The following LEMD2 variants were observed in gnomAD, a reference collection of about 807,000 sequenced individuals.
The protein encoded by LEMD2 is LEM domain-containing protein 2.
In LEMD2, 34 loss-of-function variants were observed where a neutral mutation model predicts 58.8. The observed-to-expected ratio is 0.58, with a 90% CI of 0.44 to 0.77. The LOEUF is 0.77. LEMD2 is among the 30% of genes least tolerant of loss of function. The probability of loss-of-function intolerance (pLI) is 0.00; values close to 1 mark genes in which losing one functional copy is unlikely to be tolerated. For synonymous variants in LEMD2, 298 were observed against 308.9 expected, an observed-to-expected ratio of 0.96 and a Z score of 0.37; for missense variants, 629 against 717.9, an observed-to-expected ratio of 0.88 and a Z score of 1.42.
At position 33,772,794 on chromosome 6, in the gene LEMD2, C is replaced by T. The variant is rs1235215478; in HGVS notation, c.1362-16G>A. On this transcript the variant is annotated splice_polypyrimidine_tract_variant and intron_variant, in intron 8 of 8. Transcript: ENST00000293760. ...CATGCGCCTCCTGCAATGAGAGGGA[C>T]GGGGCTCTGCCTGGCACTGCCGAGG... is the stretch of plus-strand genomic sequence containing the variant. The T allele has an allele frequency of 1.2e-5, 20 of 1,610,050 alleles. No homozygotes were observed. Among genetic ancestry groups the T allele is most frequent in the East Asian group, 4.5e-5 (2 of 44,840 alleles).
rs955625549 is a variant in LEMD2, at chr6:33,789,022, C to T, written c.95G>A (p.Arg32His). ...PITDTTRDVY[R>H]NKLRRLRGEA... ...GCCCCGCAGGCGGCGCAGCTTGTTG[C>T]GGTAGACATCCCGGGTGGTGTCGGT... is the stretch of plus-strand genomic sequence containing the variant. The change falls in exon 1 of 9, where the codon CGC (arginine) becomes CAC (histidine). Residue 32 changes from arginine (R) to histidine (H), a missense_variant. Physicochemically the swap from Arg to His is conservative, Grantham distance 29. This residue lies in a region of LEMD2 where 386 missense variants were observed against 381.1 expected (regional missense o/e 1.01). Coordinates refer to ENST00000293760, the MANE Select transcript of LEMD2 (RefSeq NM_181336.4). The T allele has an allele frequency of 1.2e-5, 18 of 1,556,884 alleles. No homozygotes were observed. Among genetic ancestry groups the T allele is most frequent in the Non-Finnish European group, 1.6e-5 (18 of 1,158,268 alleles).
In LEMD2 at chr6:33,772,441, G is replaced by A; in HGVS notation, c.*187C>T. The A allele has an allele frequency of 1.8e-6, 1 of 547,934 alleles. No homozygotes were observed. The highest frequency in any genetic ancestry group is 3.5e-5 in the Admixed American group (1 of 28,300). 33.9% of individuals were successfully genotyped at this position (547,934 alleles called of 1,614,324 possible). On this transcript the variant is annotated 3_prime_UTR_variant, in exon 9 of 9. Coordinates refer to ENST00000293760, the MANE Select transcript of LEMD2 (RefSeq NM_181336.4). The stretch of plus-strand genomic sequence containing the variant: ...CCTGGCTTCTCCCCCTCCCTTTAAA[G>A]GAAGCCCACATTTTCCTGCGAGCCG...
At chr6:33,785,294 T>C (rs1046589056) in intron 2 of LEMD2, among the ~76,000 whole-genome samples, 1 of 152,148 alleles carries the variant, frequency 6.6e-6, no homozygotes, top group Non-Finnish European at 1.5e-5. Flanking sequence ...GGGTGCCCCA[T>C]GAAATCTTAG....
intron 3 of LEMD2, among the ~76,000 whole-genome samples, chr6:33,782,739 C>T (rs1561926182): frequency 6.6e-6 from 1 of 152,236 alleles, no homozygotes; most frequent in African/African-American, 2.4e-5. Context: ...CGGGGTTGGG[C>T]CCTGCAGGCA....
chr6:33,772,586 G>A lies in LEMD2; in HGVS notation c.*42C>T. 1.3e-6 allele frequency: 2 copies of A among 1,593,748 alleles called. No homozygotes were observed. Among genetic ancestry groups the A allele is most frequent in the Non-Finnish European group, 1.7e-6 (2 of 1,168,530 alleles). On this transcript the variant is annotated 3_prime_UTR_variant, in exon 9 of 9. Transcript: ENST00000293760. ...CCCTCCTGTGCCTCTGGAGTGGGCT[G>A]TCCTGGGACAGGCTGACCGGGAACA...
chr6:33,776,275 G>C (rs558031214), intron 8 of LEMD2, among the ~76,000 whole-genome samples: 73 of 152,366 alleles, frequency 4.8e-4, no homozygotes, highest in African/African-American at 1.7e-3. Flanking sequence ...GCAGGTCATG[G>C]TTTAAAAAGT....
chr6:33,773,594 CGGGGG>C (rs10660361), intron 8 of LEMD2, among the ~76,000 whole-genome samples: 1 of 139,418 alleles, frequency 7.2e-6, no homozygotes, highest in Admixed American at 7.1e-5. Flanking sequence ...AGTCAGGAGG[CGGGGG>C]GGGGGCTAGG....
At chr6:33,775,994 TGCTG>T (rs1767421908) in intron 8 of LEMD2, among the ~76,000 whole-genome samples, 1 of 152,154 alleles carries the variant, frequency 6.6e-6, no homozygotes, top group Admixed American at 6.5e-5. Context: ...GGGGGGGCCC[TGCTG>T]GCTGTCTCCT....
In LEMD2 at chr6:33,778,526, G is replaced by T; in HGVS notation, c.1011-139C>A. On this transcript the variant is annotated intron_variant, in intron 5 of 8. Transcript: ENST00000293760. This position sits in a 1 kb window ranked among gnomAD's most constrained non-coding sequence, Gnocchi z 4.7. ...GCTTATAGAATAGGCTTGGTATCCT[G>T]GCTGCATTCTTTCCAGAAATTTCCC... The T allele has an allele frequency of 1.7e-6, 1 of 573,454 alleles. No homozygotes were observed. Among genetic ancestry groups the T allele is most frequent in the Non-Finnish European group, 2.8e-6 (1 of 357,106 alleles). The allele number at this position is 573,454 out of a possible 1,614,324, so 35.5% of individuals were successfully genotyped here. A position where few individuals can be genotyped will look rare whatever the true frequency, so the allele number is the denominator to read the frequency against.
At chr6:33,782,493 C>T (rs762872704) in intron 3 of LEMD2, among the ~76,000 whole-genome samples, 7 of 152,194 alleles carry the variant, frequency 4.6e-5, no homozygotes, top group Non-Finnish European at 8.8e-5. Flanking sequence ...GCTTCCCACT[C>T]GAGATGTAAT....
intron 3 of LEMD2, 50 bp downstream of exon 3, chr6:33,784,302 C>T (rs756299555): frequency 6.4e-6 from 9 of 1,415,170 alleles, no homozygotes; most frequent in Admixed American, 1.7e-5. Context: ...CCGGGTCAGC[C>T]GCCCATAGCT....
intron 1 of LEMD2, among the ~76,000 whole-genome samples, chr6:33,787,656 A>C (rs1767711020): frequency 6.6e-6 from 1 of 152,182 alleles, no homozygotes; most frequent in Non-Finnish European, 1.5e-5. Flanking sequence ...AAAACACACA[A>C]TCCTCAGCTA....
intron 2 of LEMD2, among the ~76,000 whole-genome samples, chr6:33,785,123 C>T (rs1767647590): frequency 6.6e-6 from 1 of 152,090 alleles, no homozygotes; most frequent in Admixed American, 6.5e-5. Context: ...TCTTCAACGA[C>T]CGAAAAGGGA....
chr6:33,780,512 G>C (rs1279914046), intron 4 of LEMD2, among the ~76,000 whole-genome samples: 2 of 152,210 alleles, frequency 1.3e-5, no homozygotes, highest in African/African-American at 2.4e-5. Context: ...CGTTGTGGCT[G>C]GGGGTGGGTG....
Position 33,788,448 on chromosome 6 carries a change from G to C in LEMD2, c.669C>G (p.Leu223=), listed in dbSNP as rs73412138. The change falls in exon 1 of 9, where the codon CTC becomes CTG. Residue 223 remains leucine (L), a synonymous_variant. Coordinates refer to ENST00000293760, the MANE Select transcript of LEMD2 (RefSeq NM_181336.4). ...TCACCCAAAGGATGCCCAGGAAGACGAGCAGTAGCCCTAGGCTGGCCCAGA... is the reference window on the plus strand; with the variant it reads ...TCACCCAAAGGATGCCCAGGAAGACCAGCAGTAGCCCTAGGCTGGCCCAGA... The part of the protein sequence containing the change: ...LLLWASLGLL[L]VFLGILWVKM... The C allele has an allele frequency of 2.0e-3, 3,176 of 1,579,442 alleles. 53 individuals carry two copies. In the African/African-American group the frequency reaches 0.035, roughly 17 times the overall value.
At chr6:33,788,317 C>G in intron 1 of LEMD2, 64 bp downstream of exon 1, 2 of 1,467,400 alleles carry the variant, frequency 1.4e-6, no homozygotes, top group Non-Finnish European at 1.8e-6. Context: ...CCGACAGGAA[C>G]GGGGGGTCCT....
rs747923541 is a variant in LEMD2, at chr6:33,788,407, G to A, written c.710C>T (p.Ser237Leu). 6.9e-6 allele frequency: 11 copies of A among 1,583,984 alleles called. No homozygotes were observed. The highest frequency in any genetic ancestry group is 9.4e-6 in the Non-Finnish European group (11 of 1,166,292). Reference sequence around the variant, plus strand: ...GTTGTCCTCCGCCTCCTGCGGCGCTGAGGGCTTGCCCATCTTCACCCAAAG... The same window carrying A: ...GTTGTCCTCCGCCTCCTGCGGCGCTAAGGGCTTGCCCATCTTCACCCAAAG... ...GILWVKMGKP[S>L]APQEAEDNMK... The change falls in exon 1 of 9, where the codon TCA becomes TTA. Residue 237 changes from serine (S) to leucine (L), a missense_variant. Ser to Leu is a moderately radical substitution (Grantham distance 145, BLOSUM62 -2). Transcript: ENST00000293760.
Position 33,788,935 on chromosome 6 carries a change from C to T in LEMD2, c.182G>A (p.Arg61Gln). The change falls in exon 1 of 9, where the codon CGG becomes CAG. Residue 61 changes from arginine (R) to glutamine (Q), a missense_variant. This residue lies in a region of LEMD2 where 386 missense variants were observed against 381.1 expected (regional missense o/e 1.01). Coordinates refer to ENST00000293760, the MANE Select transcript of LEMD2 (RefSeq NM_181336.4). ...REEARPRGEE[R>Q]LREEARLRED... ...GCGTAACCGGGCCTCTTCCCGTAAC[C>T]GCTCCTCGCCCCGCGGCCGGGCCTC... The T allele has an allele frequency of 6.7e-7, 1 of 1,498,186 alleles. No individual in the cohort carries two copies. Among genetic ancestry groups the T allele is most frequent in the Non-Finnish European group, 8.8e-7 (1 of 1,131,590 alleles). The allele number at this position is 1,498,186 out of a possible 1,614,324, so 92.8% of individuals were successfully genotyped here. A position where few individuals can be genotyped will look rare whatever the true frequency, so the allele number is the denominator to read the frequency against.
intron 8 of LEMD2, among the ~76,000 whole-genome samples, chr6:33,776,032 G>A (rs1452153649): frequency 6.6e-6 from 1 of 152,008 alleles, no homozygotes; most frequent in African/African-American, 2.4e-5. Flanking sequence ...CCCCCACCCT[G>A]GTTCTGTCAG....
Sources: allele counts gnomAD v4.1 joint callset (sites outside exome capture counted in the v4.1 genomes callset), GRCh38; gene constraint gnomAD v4.1.1; regional missense constraint gnomAD v4.1.1; non-coding constraint Gnocchi (gnomAD v3.1); transcripts MANE v1.5; gene names NCBI Gene and HGNC (gene_info 2026-07-23, HGNC 2026-07-21).